Variants in ATRNL1 observed in about 807,000 individuals in gnomAD.
ATRNL1 encodes the protein attractin-like protein 1.
In ATRNL1, 95 loss-of-function variants were observed where a neutral mutation model predicts 182.7. The ratio of observed to expected loss-of-function variants is 0.52; its 90% CI spans 0.44 to 0.62. ATRNL1 has a LOEUF of 0.62. Among genes scored for constraint, ATRNL1 ranks in the 20% least tolerant of loss-of-function variants. The probability of loss-of-function intolerance (pLI) is 0.00; values close to 1 mark genes in which losing one functional copy is unlikely to be tolerated. For synonymous variants in ATRNL1, 576 were observed against 568.3 expected, an observed-to-expected ratio of 1.01 and a Z score of -0.19; for missense variants, 1,471 against 1,679.5, an observed-to-expected ratio of 0.88 and a Z score of 2.17.
intron 21 of ATRNL1, among the ~76,000 whole-genome samples, chr10:115,459,069 A>G (rs1847669271): frequency 6.6e-6 from 1 of 152,184 alleles, no homozygotes; most frequent in Non-Finnish European, 1.5e-5. Flanking sequence ...GATTTCATGG[A>G]CACTTATCAC....
intron 24 of ATRNL1, among the ~76,000 whole-genome samples, chr10:115,499,363 C>A (rs1164212575): frequency 2.0e-5 from 3 of 152,036 alleles, no homozygotes; most frequent in African/African-American, 4.8e-5. Flanking sequence ...ACAGCTTGAC[C>A]TTTAGCTAAA....
At chr10:115,633,040 G>A (rs1429765074) in intron 26 of ATRNL1, among the ~76,000 whole-genome samples, 2 of 151,900 alleles carry the variant, frequency 1.3e-5, no homozygotes, top group African/African-American at 4.8e-5. Context: ...TTACAGGCAT[G>A]CACTGCCACA....
chr10:115,335,503 C>T (rs550565487), intron 19 of ATRNL1, among the ~76,000 whole-genome samples: 2 of 152,156 alleles, frequency 1.3e-5, no homozygotes, highest in Admixed American at 6.5e-5. Flanking sequence ...TAAATGTTTC[C>T]CAAGTGACTA....
At chr10:115,379,628 T>C (rs1857877637) in intron 19 of ATRNL1, among the ~76,000 whole-genome samples, 1 of 152,214 alleles carries the variant, frequency 6.6e-6, no homozygotes. Context: ...CATGATATAT[T>C]CATTATTTTT....
intron 13 of ATRNL1, 34 bp downstream of exon 13, chr10:115,268,478 C>A: frequency 3.0e-6 from 4 of 1,354,656 alleles, no homozygotes; most frequent in South Asian, 2.3e-5. Context: ...GCTGTAGTTA[C>A]AACAGACTGC....
chr10:115,764,932 C>A (rs1204171228), intron 27 of ATRNL1, among the ~76,000 whole-genome samples: 1 of 152,214 alleles, frequency 6.6e-6, no homozygotes, highest in Non-Finnish European at 1.5e-5. Context: ...CCTTGGCCTC[C>A]CAAATCGCTG....
intron 25 of ATRNL1, among the ~76,000 whole-genome samples, chr10:115,543,684 G>A (rs991517583): frequency 2.6e-5 from 4 of 151,766 alleles, no homozygotes; most frequent in African/African-American, 7.3e-5. Context: ...ACAATGTAAC[G>A]TTATAGCACA....
At chr10:115,849,631 A>G (rs919890099) in intron 28 of ATRNL1, among the ~76,000 whole-genome samples, 2 of 152,174 alleles carry the variant, frequency 1.3e-5, no homozygotes, top group Admixed American at 6.5e-5. Context: ...TACTCTTTCT[A>G]AAATGTTTTT....
At chr10:115,397,076 A>G (rs782351714) in intron 20 of ATRNL1, among the ~76,000 whole-genome samples, 3 of 151,872 alleles carry the variant, frequency 2.0e-5, no homozygotes, top group Non-Finnish European at 4.4e-5. Flanking sequence ...TGGAGCAATA[A>G]AGAATAGGCT....
intron 1 of ATRNL1, among the ~76,000 whole-genome samples, chr10:115,114,220 A>G (rs1844380315): frequency 6.6e-6 from 1 of 152,164 alleles, no homozygotes; most frequent in Non-Finnish European, 1.5e-5. Flanking sequence ...ATGAAATTAA[A>G]CCCTTATCTG....
chr10:115,804,331 T>C (rs1169890346), intron 27 of ATRNL1, among the ~76,000 whole-genome samples: 1 of 151,922 alleles, frequency 6.6e-6, no homozygotes, highest in African/African-American at 2.4e-5. Context: ...CTTTACAGTG[T>C]ATATGTTGAA....
chr10:115,892,691 G>A lies in ATRNL1; in HGVS notation c.4018+44700G>A, dbSNP rs571002272. Among the ~76,000 whole-genome samples the A allele has an allele frequency of 9.3e-4, 142 of 152,174 alleles. 1 individual carries two copies. The highest frequency in any genetic ancestry group is 3.3e-3 in the African/African-American group (137 of 41,536). On this transcript the variant is annotated intron_variant, in intron 28 of 28. Transcript: ENST00000355044. ...GTCATAGCACTGCATACTACATAAT[G>A]GATTTGAATTCCGATTGAAATCATT...
intron 26 of ATRNL1, among the ~76,000 whole-genome samples, chr10:115,645,714 TGTTTA>T (rs1859567035): frequency 6.6e-6 from 1 of 151,970 alleles, no homozygotes. Flanking sequence ...ATACTCTGAA[TGTTTA>T]CTAGTTTTAC....
In ATRNL1 at chr10:115,192,621, G is replaced by A. The variant is rs1360284296; in HGVS notation, c.1348+21329G>A. On this transcript the variant is annotated intron_variant, in intron 8 of 28. Coordinates refer to ENST00000355044, the MANE Select transcript of ATRNL1 (RefSeq NM_207303.4). ...TATAAATTTTAGGATCATTCTTTCT[G>A]TGAAGAATGTCATTAGTATTTTGAT... Among the ~76,000 whole-genome samples, 7 of 152,052 alleles carry A rather than the reference G, an allele frequency of 4.6e-5. No individual in the cohort carries two copies. In the East Asian group the frequency reaches 5.8e-4, roughly 13 times the overall value.
intron 27 of ATRNL1, among the ~76,000 whole-genome samples, chr10:115,803,599 G>T (rs1203916967): frequency 2.7e-5 from 4 of 146,982 alleles, no homozygotes; most frequent in Non-Finnish European, 6.0e-5. Context: ...GTTTTTTTGT[G>T]TTTTTTTTTT....
intron 26 of ATRNL1, among the ~76,000 whole-genome samples, chr10:115,567,197 A>G (rs1293031906): frequency 6.6e-6 from 1 of 152,130 alleles, no homozygotes; most frequent in Non-Finnish European, 1.5e-5. Context: ...GTGAAATGGT[A>G]TGTAGCTAGG....
chr10:115,382,478 A>G (rs1858073979), intron 19 of ATRNL1, among the ~76,000 whole-genome samples: 1 of 151,584 alleles, frequency 6.6e-6, no homozygotes, highest in Non-Finnish European at 1.5e-5. Flanking sequence ...TCATTTTCAC[A>G]TTGTTTATTG....
At chr10:115,266,724 A>G (rs1564864797) in intron 11 of ATRNL1, 73 bp from the exon 12 acceptor site, 2 of 850,052 alleles carry the variant, frequency 2.4e-6, no homozygotes, top group African/African-American at 3.4e-5. Context: ...ATCTATGCTT[A>G]TTTTTATAAC....
intron 7 of ATRNL1, 58 bp downstream of exon 7, chr10:115,165,703 G>T: frequency 1.1e-6 from 1 of 901,066 alleles, no homozygotes; most frequent in Non-Finnish European, 1.7e-6. Context: ...TTTACCACAG[G>T]CTAAAAAATA....
Sources: allele counts gnomAD v4.1 joint callset (sites outside exome capture counted in the v4.1 genomes callset), GRCh38; gene constraint gnomAD v4.1.1; transcripts MANE v1.5; gene names NCBI Gene and HGNC (gene_info 2026-07-23, HGNC 2026-07-21).